The following ADGRE1 variants were observed in gnomAD, a reference collection of about 807,000 sequenced individuals.
ADGRE1 encodes the protein EGF-like module receptor 1.
ADGRE1 carries 82 observed loss-of-function variants against 102.7 expected under a neutral mutation model. That is an observed-to-expected ratio of 0.80 (90% confidence interval 0.67 to 0.96). ADGRE1 has a LOEUF of 0.96. ADGRE1 is among the 40% of genes least tolerant of loss of function. ADGRE1 has a pLI of 0.00. For synonymous variants in ADGRE1, 398 were observed against 399.6 expected (o/e 1.00, Z 0.05); for missense variants, 1,032 against 1,085.3 (o/e 0.95, Z 0.69).
At chr19:6,896,105 T>C (rs1473789152) in intron 2 of ADGRE1, 10 of 274,010 alleles carry the variant, frequency 3.6e-5, no homozygotes, top group Non-Finnish European at 6.2e-5. Context: ...CACTGTTGCA[T>C]GGCACTGTCC....
At chr19:6,911,699 G>A (rs902894486) in intron 10 of ADGRE1, among the ~76,000 whole-genome samples, 2 of 148,362 alleles carry the variant, frequency 1.3e-5, no homozygotes, top group African/African-American at 2.5e-5. Context: ...GTATACACAC[G>A]TGTACACACA....
intron 1 of ADGRE1, among the ~76,000 whole-genome samples, chr19:6,888,475 G>A (rs1258047321): frequency 6.6e-6 from 1 of 152,124 alleles, no homozygotes; most frequent in African/African-American, 2.4e-5. Flanking sequence ...TTTGGTCATT[G>A]GATCAAATTT....
intron 10 of ADGRE1, among the ~76,000 whole-genome samples, chr19:6,911,385 GTTTTTT>G (rs772959056): frequency 5.0e-5 from 4 of 79,854 alleles, no homozygotes; most frequent in South Asian, 5.6e-4. Flanking sequence ...ATTCCTTTTA[GTTTTTT>G]TTTTTTTTTT....
chr19:6,938,261 C>T (rs906114471), intron 20 of ADGRE1, among the ~76,000 whole-genome samples: 1 of 151,958 alleles, frequency 6.6e-6, no homozygotes, highest in African/African-American at 2.4e-5. Context: ...TGCTTGAACC[C>T]AAGAGGCGGA....
intron 1 of ADGRE1, among the ~76,000 whole-genome samples, 157 bp downstream of exon 1, chr19:6,887,796 A>T (rs1973205220): frequency 6.6e-6 from 1 of 152,214 alleles, no homozygotes; most frequent in Admixed American, 6.5e-5. Context: ...AAAATTCCAT[A>T]GCTCAGGGAA....
intron 17 of ADGRE1, chr19:6,928,690 C>G (rs1334181824): frequency 1.2e-5 from 2 of 167,442 alleles, no homozygotes; most frequent in Non-Finnish European, 2.6e-5. Context: ...GCCTGTTATC[C>G]CAGCACTTTG....
rs183496855 is a variant in ADGRE1 at position 6,918,674 on chromosome 19, C to T, written c.1421-874C>T. On this transcript the variant is annotated intron_variant, in intron 12 of 20. Coordinates refer to ENST00000312053, the MANE Select transcript of ADGRE1 (RefSeq NM_001974.5). The stretch of plus-strand genomic sequence containing the variant: ...ACTGAGTTGCATTGTCCCTTAAAAA[C>T]ACAAGTTCAAATTTATTTTTAAATG... Among the ~76,000 whole-genome samples the T allele has an allele frequency of 5.9e-3, 897 of 152,304 alleles. 18 individuals carry two copies. The highest frequency in any genetic ancestry group is 0.037 in the Admixed American group (560 of 15,300).
chr19:6,933,075 G>T (rs1325756711), intron 17 of ADGRE1, among the ~76,000 whole-genome samples: 1 of 152,064 alleles, frequency 6.6e-6, no homozygotes, highest in Non-Finnish European at 1.5e-5. Flanking sequence ...ACAAAATTTA[G>T]CCAGGTGTGG....
At chr19:6,921,423 C>T (rs1402283342) in intron 13 of ADGRE1, among the ~76,000 whole-genome samples, 1 of 152,100 alleles carries the variant, frequency 6.6e-6, no homozygotes, top group African/African-American at 2.4e-5. Context: ...CTCTGTCACA[C>T]ACACACACAC....
intron 6 of ADGRE1, 62 bp downstream of exon 6, chr19:6,902,083 G>A: frequency 6.3e-7 from 1 of 1,589,466 alleles, no homozygotes; most frequent in Non-Finnish European, 8.6e-7. Context: ...AGCAGTGAGG[G>A]GATTAGGGTG....
Position 6,937,402 on chromosome 19 carries a change from C to T in ADGRE1, c.2541C>T (p.Leu847=), listed in dbSNP as rs765984137. 4.3e-6 allele frequency: 7 copies of T among 1,613,492 alleles called. No homozygotes were observed. Among genetic ancestry groups the T allele is most frequent in the Admixed American group, 1.7e-5 (1 of 59,992 alleles). Residue 847 remains leucine, a synonymous_variant, in exon 19 of 21, where the codon CTC becomes CTT. Coordinates refer to ENST00000312053, the MANE Select transcript of ADGRE1 (RefSeq NM_001974.5). ...TCATCTTCCTCATCCACTGTCTGCTCAACGGCCAGGTGTGTAGCTGCTGCC... is the reference window on the plus strand; with the variant it reads ...TCATCTTCCTCATCCACTGTCTGCTTAACGGCCAGGTGTGTAGCTGCTGCC... ...GAFIFLIHCL[L]NGQVREEYKR... is the part of the protein sequence containing the mutation.
intron 11 of ADGRE1, 59 bp from the exon 12 acceptor site, chr19:6,916,180 TGGACAGAAAC>T: frequency 6.4e-7 from 1 of 1,556,506 alleles, no homozygotes; most frequent in African/African-American, 1.4e-5. Flanking sequence ...TACCTTTTTT[TGGACAGAAAC>T]CAAATTCAGG....
chr19:6,888,196 A>C (rs78459296), intron 1 of ADGRE1, among the ~76,000 whole-genome samples: 5,540 of 152,324 alleles, frequency 0.036, 151 homozygotes, highest in Non-Finnish European at 0.052. Context: ...AGAGTCTGTA[A>C]GCTTTTCCAC....
intron 2 of ADGRE1, among the ~76,000 whole-genome samples, chr19:6,892,444 A>G (rs996001014): frequency 2.0e-5 from 3 of 152,086 alleles, no homozygotes; most frequent in African/African-American, 7.2e-5. Flanking sequence ...GTGTTGCTTT[A>G]AAAAAATCCT....
chr19:6,927,105 G>A (rs966341267), intron 16 of ADGRE1, among the ~76,000 whole-genome samples: 16 of 152,062 alleles, frequency 1.1e-4, no homozygotes, highest in African/African-American at 2.9e-4. Context: ...TGAACATGAC[G>A]GAATGGTTGT....
intron 5 of ADGRE1, among the ~76,000 whole-genome samples, chr19:6,900,086 TC>T (rs1209081062): frequency 1.6e-5 from 2 of 127,760 alleles, no homozygotes; most frequent in Non-Finnish European, 3.1e-5. Flanking sequence ...AGAGCGAGAC[TC>T]CATCTCAAAA....
chr19:6,939,199 G>A (rs1975568576), intron 20 of ADGRE1, among the ~76,000 whole-genome samples: 1 of 152,146 alleles, frequency 6.6e-6, no homozygotes, highest in Non-Finnish European at 1.5e-5. Flanking sequence ...CCCATATCAT[G>A]GATGACATAT....
chr19:6,901,001 G>A (rs995126522), intron 5 of ADGRE1, among the ~76,000 whole-genome samples: 2 of 152,144 alleles, frequency 1.3e-5, no homozygotes, highest in African/African-American at 4.8e-5. Context: ...CTTTTGTCTT[G>A]TTGCCTCTGC....
intron 17 of ADGRE1, among the ~76,000 whole-genome samples, chr19:6,929,027 G>A (rs901382346): frequency 1.3e-5 from 2 of 151,810 alleles, no homozygotes; most frequent in Non-Finnish European, 2.9e-5. Flanking sequence ...TGGGAATTTT[G>A]TTTTTCCTTC....
Sources: allele counts gnomAD v4.1 joint callset (sites outside exome capture counted in the v4.1 genomes callset), GRCh38; gene constraint gnomAD v4.1.1; transcripts MANE v1.5; gene names NCBI Gene and HGNC (gene_info 2026-07-23, HGNC 2026-07-21).